The following MCC variants were observed in gnomAD, a reference collection of about 807,000 sequenced individuals.
MCC encodes colorectal mutant cancer protein.
MCC carries 90 observed loss-of-function variants against 116.2 expected under a neutral mutation model. The ratio of observed to expected loss-of-function variants is 0.77; its 90% CI spans 0.65 to 0.92. MCC has a LOEUF of 0.92. MCC is among the 40% of genes least tolerant of loss of function. MCC has a pLI of 0.00. For synonymous variants in MCC, 578 were observed against 510.5 expected (o/e 1.13, Z -1.78); for missense variants, 1,516 against 1,312.2 (o/e 1.16, Z -2.40).
intron 4 of MCC, among the ~76,000 whole-genome samples, chr5:113,147,425 C>G (rs1239499154): frequency 2.6e-5 from 4 of 152,140 alleles, no homozygotes; most frequent in African/African-American, 9.7e-5. Flanking sequence ...TTATCTTACT[C>G]CACCGAGGCC....
intron 15 of MCC, among the ~76,000 whole-genome samples, chr5:113,051,136 G>T (rs1353407537): frequency 6.6e-6 from 1 of 152,104 alleles, no homozygotes; most frequent in Non-Finnish European, 1.5e-5. Flanking sequence ...AAACTGATGA[G>T]TCCCAACAGA....
chr5:113,083,436 A>T (rs1254377070), intron 10 of MCC, among the ~76,000 whole-genome samples: 1 of 152,180 alleles, frequency 6.6e-6, no homozygotes, highest in Non-Finnish European at 1.5e-5. Context: ...ACAGAATCTG[A>T]ATGCATGCAT....
chr5:113,298,607 T>C (rs1195974998), intron 3 of MCC, among the ~76,000 whole-genome samples: 1 of 152,020 alleles, frequency 6.6e-6, no homozygotes, highest in Non-Finnish European at 1.5e-5. Flanking sequence ...AACCAGGAGA[T>C]GGAGCAAAGT....
At chr5:113,054,481 T>C (rs1752683542) in intron 14 of MCC, among the ~76,000 whole-genome samples, 1 of 152,226 alleles carries the variant, frequency 6.6e-6, no homozygotes, top group South Asian at 2.1e-4. Context: ...AAAACTCCTA[T>C]GGCATGATCC....
At chr5:113,220,232 G>A (rs2150328574) in intron 3 of MCC, among the ~76,000 whole-genome samples, 1 of 149,378 alleles carries the variant, frequency 6.7e-6, no homozygotes, top group Middle Eastern at 3.4e-3. Flanking sequence ...TAATTTTTTT[G>A]TATTTTTTAG....
intron 1 of MCC, chr5:113,399,997 CAAGTG>C (rs1235571954): frequency 2.0e-5 from 3 of 151,412 alleles, no homozygotes; most frequent in African/African-American, 7.3e-5. Context: ...CATCTGCAAA[CAAGTG>C]AAGTATTATG....
intron 17 of MCC, among the ~76,000 whole-genome samples, chr5:113,040,650 C>G (rs1393575202): frequency 6.6e-6 from 1 of 152,160 alleles, no homozygotes; most frequent in African/African-American, 2.4e-5. Flanking sequence ...AACTGCAGCC[C>G]TGAGGTGTGT....
In MCC at chr5:113,066,925, C is replaced by A. The variant is rs553967324; in HGVS notation, c.2029+1155G>T. On this transcript the variant is annotated intron_variant, in intron 13 of 18. Transcript: ENST00000408903. Reference sequence around the variant, plus strand: ...TTGGCTTTCTGTTTACTTGCTATTGCCTCTCCGAAGGCTAAGGGGGTGTCC... The same window carrying A: ...TTGGCTTTCTGTTTACTTGCTATTGACTCTCCGAAGGCTAAGGGGGTGTCC... 2.4e-3 allele frequency among the ~76,000 whole-genome samples: 364 copies of A among 152,278 alleles called. 1 individual carries two copies. Among genetic ancestry groups the A allele is most frequent in the African/African-American group, 8.4e-3 (349 of 41,556 alleles).
chr5:113,477,605 C>G (rs537293501), intron 1 of MCC, among the ~76,000 whole-genome samples: 3 of 152,074 alleles, frequency 2.0e-5, no homozygotes, highest in African/African-American at 7.2e-5. Flanking sequence ...GTGGTCTCAC[C>G]GAGTTGAGGA....
At chr5:113,047,144 A>G (rs944589132) in intron 16 of MCC, among the ~76,000 whole-genome samples, 2 of 152,094 alleles carry the variant, frequency 1.3e-5, no homozygotes, top group African/African-American at 4.8e-5. Flanking sequence ...CCAAGTGGAC[A>G]TTTGTGTCTG....
At chr5:113,220,120 C>G (rs13181239) in intron 3 of MCC, among the ~76,000 whole-genome samples, 794 of 42,732 alleles carry the variant, frequency 0.019, 118 homozygotes, top group South Asian at 0.11. Flanking sequence ...TGCAGTGGCG[C>G]AATCTCGGCT....
intron 1 of MCC, among the ~76,000 whole-genome samples, chr5:113,424,347 C>G (rs1770428399): frequency 6.6e-6 from 1 of 152,000 alleles, no homozygotes; most frequent in Non-Finnish European, 1.5e-5. Flanking sequence ...AGATAACTTC[C>G]AAAAACCTAT....
At chr5:113,358,410 C>G (rs1768465503) in intron 2 of MCC, among the ~76,000 whole-genome samples, 1 of 152,120 alleles carries the variant, frequency 6.6e-6, no homozygotes, top group Non-Finnish European at 1.5e-5. Flanking sequence ...TCTGGCCACC[C>G]CTCTGTTTTC....
chr5:113,052,904 CAA>C (rs1302746279), intron 15 of MCC, among the ~76,000 whole-genome samples: 2 of 152,308 alleles, frequency 1.3e-5, no homozygotes, highest in East Asian at 1.9e-4. Flanking sequence ...ATCAGCATCA[CAA>C]AGACACCCCT....
At chr5:113,070,091 A>G (rs1421888098) in intron 12 of MCC, among the ~76,000 whole-genome samples, 1 of 152,200 alleles carries the variant, frequency 6.6e-6, no homozygotes, top group African/African-American at 2.4e-5. Context: ...ACCAGCTTCA[A>G]CGGTTATCAC....
rs753274065 is a variant in MCC at position 113,104,145 on chromosome 5, C to T, written c.1191+47G>A. On this transcript the variant is annotated intron_variant, in intron 7 of 18. Coordinates refer to ENST00000408903, the MANE Select transcript of MCC (RefSeq NM_001085377.2). ...CTTCAAGAGAAGGATTGGACCATTT[C>T]CCTTTCAGAACCTCAAAGGGCCTCA... 2.0e-6 allele frequency: 3 copies of T among 1,529,130 alleles called. No homozygotes were observed. In the East Asian group the frequency reaches 6.9e-5, roughly 35 times the overall value. The allele number at this position is 1,529,130 out of a possible 1,614,324, so 94.7% of individuals were successfully genotyped here.
intron 11 of MCC, among the ~76,000 whole-genome samples, chr5:113,075,457 C>T (rs921939328): frequency 2.6e-4 from 39 of 152,360 alleles, no homozygotes; most frequent in South Asian, 4.1e-4. Context: ...GCTCCGCCAG[C>T]GGTCCCAGCG....
At chr5:113,164,675 A>G (rs1456827557) in intron 3 of MCC, among the ~76,000 whole-genome samples, 1 of 152,232 alleles carries the variant, frequency 6.6e-6, no homozygotes, top group Non-Finnish European at 1.5e-5. Context: ...TCAGTTTTCT[A>G]GTACTTGAAA....
Position 113,132,986 on chromosome 5 carries a change from A to G in MCC, c.885-10160T>C, listed in dbSNP as rs112130001. Among the ~76,000 whole-genome samples, 335 of 152,304 alleles carry G rather than the reference A, an allele frequency of 2.2e-3. 1 individual carries two copies. The highest frequency in any genetic ancestry group is 7.7e-3 in the African/African-American group (319 of 41,570). The stretch of plus-strand genomic sequence containing the variant: ...ACTAGCAGAGCTCAAAGTTGCAAAA[A>G]TAAGAATCTATAACTTTCTTTTTTT... On this transcript the variant is annotated intron_variant, in intron 5 of 18. Transcript: ENST00000408903.
Sources: allele counts gnomAD v4.1 joint callset (sites outside exome capture counted in the v4.1 genomes callset), GRCh38; gene constraint gnomAD v4.1.1; transcripts MANE v1.5; gene names NCBI Gene and HGNC (gene_info 2026-07-23, HGNC 2026-07-21).